CHKA: variants seen among roughly 807,000 people sequenced by gnomAD.
The protein encoded by CHKA is CHETK-alpha.
A neutral mutation model predicts 60.1 loss-of-function variants in CHKA; 34 were observed. The observed-to-expected ratio is 0.57, with a 90% CI of 0.43 to 0.75. CHKA has a LOEUF of 0.75. Among genes scored for constraint, CHKA ranks in the 30% least tolerant of loss-of-function variants. The pLI, the probability that CHKA is intolerant of heterozygous loss-of-function variation, is 0.00. For missense variants in CHKA, 563 were observed against 561.3 expected (o/e 1.00, Z -0.03); for synonymous variants, 217 against 223.1 (o/e 0.97, Z 0.24).
intron 2 of CHKA, among the ~76,000 whole-genome samples, chr11:68,091,555 C>CGGGGGTG (rs2134638213): frequency 6.6e-6 from 1 of 152,308 alleles, no homozygotes; most frequent in Admixed American, 6.5e-5. Context: ...AAGTTTGTTT[C>CGGGGGTG]CGTCTCATCT....
intron 3 of CHKA, among the ~76,000 whole-genome samples, chr11:68,081,115 C>T (rs572446293): frequency 9.2e-5 from 14 of 152,340 alleles, no homozygotes; most frequent in African/African-American, 3.1e-4. Flanking sequence ...AGGTACCACA[C>T]ACGAATGCTC....
chr11:68,116,611 G>A (rs181089708), intron 1 of CHKA, among the ~76,000 whole-genome samples: 15 of 152,164 alleles, frequency 9.9e-5, no homozygotes, highest in Non-Finnish European at 2.1e-4. Context: ...CAGCTACTCG[G>A]GAGGCCGAGG....
chr11:68,110,141 C>A lies in CHKA; in HGVS notation c.350+10687G>T, dbSNP rs570769999. On this transcript the variant is annotated intron_variant, in intron 1 of 11. Coordinates refer to ENST00000265689, the MANE Select transcript of CHKA (RefSeq NM_001277.3). ...GGAACTTCCTCAACTTGATAAAGAA[C>A]ATCTATAAAAAACCTACAGCTAACA... Among the ~76,000 whole-genome samples the A allele has an allele frequency of 4.6e-5, 7 of 152,132 alleles. No individual in the cohort carries two copies. The East Asian group carries it at 1.4e-3, about 29-fold the overall frequency.
At chr11:68,087,750 G>A (rs1008167130) in intron 2 of CHKA, among the ~76,000 whole-genome samples, 4 of 152,030 alleles carry the variant, frequency 2.6e-5, no homozygotes, top group Non-Finnish European at 5.9e-5. Context: ...CTCTTTTAAA[G>A]GCTTTACATA....
At chr11:68,114,197 A>G (rs1858294487) in intron 1 of CHKA, among the ~76,000 whole-genome samples, 2 of 152,220 alleles carry the variant, frequency 1.3e-5, no homozygotes, top group African/African-American at 4.8e-5. Context: ...AACTCTCACC[A>G]TATGACCAGC....
In CHKA at chr11:68,121,326, G is replaced by GCTGCGGCTGCGGCGA. The variant is rs1555016693; in HGVS notation, c.-150_-149insTCGCCGCAGCCGCAG. 2.5e-5 allele frequency: 7 copies of GCTGCGGCTGCGGCGA among 278,548 alleles called. No homozygotes were observed. Among genetic ancestry groups the GCTGCGGCTGCGGCGA allele is most frequent in the South Asian group, 1.3e-4 (1 of 7,420 alleles). 17.3% of individuals were successfully genotyped at this position (278,548 alleles called of 1,614,324 possible). A position where few individuals can be genotyped will look rare whatever the true frequency, so the allele number is the denominator to read the frequency against. ...TTGGGCGCGCGGGGCGGCGGCGGCGGCTGCGGCGACTGCGGCGACTGTGGA... is the reference window on the plus strand; with the variant it reads ...TTGGGCGCGCGGGGCGGCGGCGGCGGCTGCGGCTGCGGCGACTGCGGCGACTGCGGCGACTGTGGA... On this transcript the variant is annotated 5_prime_UTR_variant, in exon 1 of 12. Coordinates refer to ENST00000265689, the MANE Select transcript of CHKA (RefSeq NM_001277.3).
At chr11:68,107,008 C>T (rs1857939462) in intron 1 of CHKA, among the ~76,000 whole-genome samples, 1 of 152,178 alleles carries the variant, frequency 6.6e-6, no homozygotes, top group South Asian at 2.1e-4. Context: ...AATCCCAGCA[C>T]TTTGGGAGGC....
At chr11:68,108,907 T>A (rs1858021517) in intron 1 of CHKA, among the ~76,000 whole-genome samples, 1 of 152,020 alleles carries the variant, frequency 6.6e-6, no homozygotes. Flanking sequence ...AGGCTCAGTG[T>A]GGACAACTGT....
intron 2 of CHKA, among the ~76,000 whole-genome samples, chr11:68,086,605 C>CA (rs1473910044): frequency 6.6e-6 from 1 of 152,226 alleles, no homozygotes; most frequent in African/African-American, 2.4e-5. Flanking sequence ...AACAAAGCAG[C>CA]ACCTCAGTTT....
chr11:68,111,424 A>G (rs547711821), intron 1 of CHKA, among the ~76,000 whole-genome samples: 1 of 151,718 alleles, frequency 6.6e-6, no homozygotes, highest in South Asian at 2.1e-4. Context: ...AGAAAAAAAA[A>G]AAAAATGAGC....
At chr11:68,067,571 G>T (rs1263471183) in intron 7 of CHKA, among the ~76,000 whole-genome samples, 1 of 152,036 alleles carries the variant, frequency 6.6e-6, no homozygotes, top group African/African-American at 2.4e-5. Context: ...CACCAGCCTG[G>T]GTGACACAGT....
intron 11 of CHKA, among the ~76,000 whole-genome samples, chr11:68,060,032 CTTTTTT>C (rs377176560): frequency 7.5e-6 from 1 of 134,186 alleles, no homozygotes; most frequent in Non-Finnish European, 1.6e-5. Flanking sequence ...GAGTTTCACT[CTTTTTT>C]TTTTGAGACC....
chr11:68,064,757 C>G, intron 9 of CHKA, 126 bp from the exon 10 acceptor site: 2 of 615,738 alleles, frequency 3.2e-6, no homozygotes, highest in Non-Finnish European at 5.7e-6. Flanking sequence ...TGTTCAGCAT[C>G]TCCGACATCC....
At chr11:68,069,346 G>A (rs530109112) in intron 6 of CHKA, among the ~76,000 whole-genome samples, 21 of 152,216 alleles carry the variant, frequency 1.4e-4, no homozygotes, top group African/African-American at 4.6e-4. Context: ...CCTCAGCAGC[G>A]ATCATCAAGC....
chr11:68,076,975 C>T (rs1480116644), intron 3 of CHKA, among the ~76,000 whole-genome samples: 1 of 152,130 alleles, frequency 6.6e-6, no homozygotes, highest in Non-Finnish European at 1.5e-5. Flanking sequence ...CGGTGGCTCA[C>T]GCCTGTAATC....
intron 2 of CHKA, chr11:68,089,864 C>T (rs1432710927): frequency 6.6e-6 from 1 of 152,178 alleles, no homozygotes; most frequent in African/African-American, 2.4e-5. Context: ...GCTCCAGGCA[C>T]GATCGCATGG....
At chr11:68,078,815 G>A (rs866771866) in intron 3 of CHKA, among the ~76,000 whole-genome samples, 10 of 151,788 alleles carry the variant, frequency 6.6e-5, no homozygotes, top group Non-Finnish European at 1.5e-4. Flanking sequence ...AGACTAAAGA[G>A]AAATAGCCAA....
chr11:68,062,133 G>T, intron 10 of CHKA, 99 bp from the exon 11 acceptor site: 1 of 836,830 alleles, frequency 1.2e-6, no homozygotes, highest in Non-Finnish European at 1.9e-6. Flanking sequence ...AACTTGTGTG[G>T]ATGCAAACCT....
chr11:68,081,614 C>G (rs1411375768), intron 2 of CHKA, 157 bp from the exon 3 acceptor site: 2 of 592,100 alleles, frequency 3.4e-6, no homozygotes, highest in Non-Finnish European at 6.1e-6. Flanking sequence ...TCTAATGCAC[C>G]AGCAGCCTCC....
Sources: allele counts gnomAD v4.1 joint callset (sites outside exome capture counted in the v4.1 genomes callset), GRCh38; gene constraint gnomAD v4.1.1; transcripts MANE v1.5; gene names NCBI Gene and HGNC (gene_info 2026-07-23, HGNC 2026-07-21).